Variants in ABCB5 observed in about 807,000 individuals in gnomAD.
The protein encoded by ABCB5 is ATP binding cassette subfamily B member 5.
A neutral mutation model predicts 144.2 loss-of-function variants in ABCB5; 155 were observed. The observed-to-expected ratio is 1.08, with a 90% CI of 0.94 to 1.23. The LOEUF is 1.23. Ranked by LOEUF, ABCB5 falls within the 50% of genes most tolerant of loss-of-function variation. The pLI is 0.00. For missense variants in ABCB5, 1,830 were observed against 1,520.8 expected (o/e 1.20, Z -3.38); for synonymous variants, 610 against 528.6 (o/e 1.15, Z -2.11).
rs558373835 is a variant in ABCB5, at chr7:20,615,801, G to A, written c.-58G>A. The A allele has an allele frequency of 6.6e-6, 1 of 152,244 alleles. No individual in the cohort carries two copies. Among genetic ancestry groups the A allele is most frequent in the African/African-American group, 2.4e-5 (1 of 41,412 alleles). 9.4% of individuals were successfully genotyped at this position (152,244 alleles called of 1,614,324 possible). A position where few individuals can be genotyped will look rare whatever the true frequency, so the allele number is the denominator to read the frequency against. ...TTCTCTTAAGGACTTCAACTGACTG[G>A]ATGGGGCCCACTCAAAACAGCATCT... On this transcript the variant is annotated 5_prime_UTR_variant, in exon 1 of 28. Coordinates refer to ENST00000404938, the MANE Select transcript of ABCB5 (RefSeq NM_001163941.2).
chr7:20,690,839 C>T (rs1786196528), intron 16 of ABCB5, among the ~76,000 whole-genome samples: 1 of 152,054 alleles, frequency 6.6e-6, no homozygotes, highest in African/African-American at 2.4e-5. Flanking sequence ...AGTGTTGTAT[C>T]ATAGACACCA....
chr7:20,670,404 C>T (rs1548642), intron 14 of ABCB5, among the ~76,000 whole-genome samples: 130,981 of 151,130 alleles, frequency 0.87, 56,858 homozygotes, highest in East Asian at 1. Flanking sequence ...AAAAGGTTGA[C>T]GTTAACAGCA....
At chr7:20,620,613 T>C (rs1411454032) in intron 1 of ABCB5, among the ~76,000 whole-genome samples, 1 of 150,470 alleles carries the variant, frequency 6.6e-6, no homozygotes, top group Non-Finnish European at 1.5e-5. Context: ...TCACAGAAGA[T>C]ATACAAATGA....
intron 14 of ABCB5, chr7:20,659,394 G>C: frequency 8.4e-7 from 1 of 1,185,400 alleles, no homozygotes; most frequent in Non-Finnish European, 1.0e-6. Flanking sequence ...TGAGTTAAGC[G>C]TTTTTTTTTC....
chr7:20,663,400 T>C (rs1785066753), intron 14 of ABCB5, among the ~76,000 whole-genome samples: 1 of 152,210 alleles, frequency 6.6e-6, no homozygotes, highest in South Asian at 2.1e-4. Flanking sequence ...TACAATGGAA[T>C]ACTACCAGTT....
chr7:20,641,946 T>C (rs1043410627), intron 5 of ABCB5: 1 of 152,232 alleles, frequency 6.6e-6, no homozygotes, highest in African/African-American at 2.4e-5. Context: ...GCAGTTTTTG[T>C]TTCCAAAATA....
rs974236193 is a variant in ABCB5 at position 20,724,726 on chromosome 7, A to C, written c.2625+1507A>C. 2.0e-5 allele frequency among the ~76,000 whole-genome samples: 3 copies of C among 151,848 alleles called. No homozygotes were observed. In the South Asian group the frequency reaches 6.2e-4, roughly 32 times the overall value. On this transcript the variant is annotated intron_variant, in intron 21 of 27. Transcript: ENST00000404938. Reference sequence around the variant, plus strand: ...ATCCTCTGAATAGCAAAATGATGTTAATATCCTTTATAGTCTGTATCACGG... The same window carrying C: ...ATCCTCTGAATAGCAAAATGATGTTCATATCCTTTATAGTCTGTATCACGG...
At chr7:20,668,571 A>T (rs1291362889) in intron 14 of ABCB5, among the ~76,000 whole-genome samples, 1 of 137,370 alleles carries the variant, frequency 7.3e-6, no homozygotes, top group Non-Finnish European at 1.5e-5. Flanking sequence ...CCCGGCAGCC[A>T]CCCCGTCCGG....
At chr7:20,650,734 C>A (rs994358159) in intron 12 of ABCB5, among the ~76,000 whole-genome samples, 1 of 152,062 alleles carries the variant, frequency 6.6e-6, no homozygotes, top group Non-Finnish European at 1.5e-5. Context: ...TAGAGCCTGG[C>A]TTTATTTAAA....
intron 25 of ABCB5, 91 bp from the exon 26 acceptor site, chr7:20,745,141 G>C (rs1475178174): frequency 3.9e-6 from 5 of 1,296,078 alleles, no homozygotes; most frequent in Admixed American, 1.8e-5. Flanking sequence ...TATCCTTCTT[G>C]TTATGATTTG....
intron 4 of ABCB5, among the ~76,000 whole-genome samples, chr7:20,629,799 G>A (rs1783994895): frequency 1.3e-5 from 2 of 151,990 alleles, no homozygotes; most frequent in Non-Finnish European, 2.9e-5. Flanking sequence ...AGAAGAAGAA[G>A]AAGAAATAAT....
chr7:20,622,983 C>T (rs970892056), intron 1 of ABCB5, among the ~76,000 whole-genome samples: 6 of 152,060 alleles, frequency 3.9e-5, no homozygotes, highest in African/African-American at 1.2e-4. Context: ...GTGCATTTTC[C>T]GTGGAATCTG....
intron 16 of ABCB5, among the ~76,000 whole-genome samples, 189 bp downstream of exon 16, chr7:20,686,025 A>G (rs951497400): frequency 6.6e-6 from 1 of 152,202 alleles, no homozygotes; most frequent in East Asian, 1.9e-4. Flanking sequence ...ATAAGGCTGC[A>G]TTTATATCAG....
At position 20,647,999 on chromosome 7, in the gene ABCB5, G is replaced by A. The variant is rs774007500; in HGVS notation, c.1127G>A (p.Gly376Glu). Reference protein sequence around the residue: ...KPSIDNFSTAGYKPESIEGTV... With the variant: ...KPSIDNFSTAEYKPESIEGTV... ...AGTATAGATAACTTTTCCACAGCTG[G>A]ATATAAACCTGAATCCATAGAAGGA... The change falls in exon 11 of 28, where the codon GGA (glycine) becomes GAA (glutamate). Residue 376 changes from glycine (G) to glutamate (E), a missense_variant. Coordinates refer to ENST00000404938, the MANE Select transcript of ABCB5 (RefSeq NM_001163941.2). 3 of 1,610,938 alleles carry A rather than the reference G, an allele frequency of 1.9e-6. No individual in the cohort carries two copies. The South Asian group carries it at 3.3e-5, about 18-fold the overall frequency.
In ABCB5 at chr7:20,681,006, CTTTCTT is replaced by C. The variant is rs1408333618; in HGVS notation, c.1708-497_1708-492del. 2.3e-3 allele frequency among the ~76,000 whole-genome samples: 19 copies of C among 8,180 alleles called. 1 individual carries two copies. The highest frequency in any genetic ancestry group is 6.2e-3 in the African/African-American group (18 of 2,906). 5.4% of individuals were successfully genotyped at this position (8,180 alleles called of 152,430 possible). On this transcript the variant is annotated intron_variant, in intron 14 of 27. Coordinates refer to ENST00000404938, the MANE Select transcript of ABCB5 (RefSeq NM_001163941.2). ...TCTTTCTTTCTTTCTTTCTTTCTTT[CTTTCTT>C]TCTTTCTTTCTTTCTTTCTTTCTCT...
intron 1 of ABCB5, among the ~76,000 whole-genome samples, chr7:20,617,822 T>C: frequency 6.6e-6 from 1 of 152,180 alleles, no homozygotes; most frequent in East Asian, 1.9e-4. Flanking sequence ...GTTATAGTAA[T>C]ATCCAGACAA....
At chr7:20,728,193 G>C in intron 22 of ABCB5, 122 bp from the exon 23 acceptor site, 1 of 1,176,544 alleles carries the variant, frequency 8.5e-7, no homozygotes, top group South Asian at 1.9e-5. Flanking sequence ...TTCATCATTC[G>C]AAAAATGCCT....
intron 1 of ABCB5, among the ~76,000 whole-genome samples, chr7:20,617,825 C>G (rs993191242): frequency 6.6e-6 from 1 of 152,002 alleles, no homozygotes; most frequent in Non-Finnish European, 1.5e-5. Flanking sequence ...ATAGTAATAT[C>G]CAGACAAGTT....
chr7:20,643,718 T>A (rs1193165422), intron 7 of ABCB5, 86 bp downstream of exon 7: 1 of 1,454,788 alleles, frequency 6.9e-7, no homozygotes, highest in Non-Finnish European at 9.4e-7. Flanking sequence ...ATGGCTTTTC[T>A]ATTCACTTGC....
Sources: gnomAD v4.1 joint callset for allele counts (sites outside exome capture counted in the v4.1 genomes callset) on GRCh38, gnomAD v4.1.1 for gene constraint, MANE v1.5 for transcripts, NCBI Gene and HGNC (gene_info 2026-07-23, HGNC 2026-07-21) for gene names.